Variants in PLPPR3 observed in about 807,000 individuals in gnomAD.
PLPPR3 encodes phospholipid phosphatase-related protein type 3.
In PLPPR3, 14 loss-of-function variants were observed where a neutral mutation model predicts 27.3. The observed-to-expected ratio is 0.51, with a 90% confidence interval of 0.34 to 0.80. The LOEUF (loss-of-function observed/expected upper bound fraction) is 0.80. Among genes scored for constraint, PLPPR3 ranks in the 30% least tolerant of loss-of-function variants. The pLI is 0.01. For synonymous variants in PLPPR3, 671 were observed against 508.0 expected, an observed-to-expected ratio of 1.32 and a Z score of -4.32; for missense variants, 1,287 against 1,056.9, an observed-to-expected ratio of 1.22 and a Z score of -3.02.
upstream of PLPPR3, among the ~76,000 whole-genome samples, chr19:823,441 CA>C (rs905654427): frequency 2.9e-3 from 118 of 40,068 alleles, no homozygotes; most frequent in African/African-American, 0.011. Context: ...GACTCTATCT[CA>C]AAAAAAAAAA....
chr19:819,771 G>A (rs910686565), intron 2 of PLPPR3, among the ~76,000 whole-genome samples: 3 of 152,124 alleles, frequency 2.0e-5, no homozygotes, highest in Admixed American at 6.6e-5. Flanking sequence ...CTAGGGTCCC[G>A]TCTTCCATCG....
chr19:820,821 C>G (rs1013450687), intron 2 of PLPPR3, among the ~76,000 whole-genome samples: 43 of 151,768 alleles, frequency 2.8e-4, no homozygotes, highest in African/African-American at 9.9e-4. Context: ...CAGTGCCCAG[C>G]CTAATTTTTG....
At chr19:819,425 C>T (rs1260261590) in intron 2 of PLPPR3, among the ~76,000 whole-genome samples, 1 of 151,616 alleles carries the variant, frequency 6.6e-6, no homozygotes, top group Non-Finnish European at 1.5e-5. Context: ...GGATTACAGG[C>T]GCCCACCACT....
At position 813,879 on chromosome 19, in the gene PLPPR3, C is replaced by T. The variant is rs1399690802; in HGVS notation, c.848G>A (p.Gly283Asp). 2 of 1,438,698 alleles carry T rather than the reference C, an allele frequency of 1.4e-6. No homozygotes were observed. The highest frequency in any genetic ancestry group is 9.1e-7 in the Non-Finnish European group (1 of 1,102,978). The allele number at this position is 1,438,698 out of a possible 1,614,324, so 89.1% of individuals were successfully genotyped here. ...IAAYLACHAVGNFQAPPAEKP... is the reference protein window; with the variant it reads ...IAAYLACHAVDNFQAPPAEKP... The stretch of plus-strand genomic sequence containing the variant: ...CTCTGCAGGTGGGGCCTGGAAGTTG[C>T]CCACCGCGTGGCAGGCCTGTCGGGG... Residue 283 changes from glycine (G) to aspartate (D), a missense_variant, in exon 8 of 8, where the codon GGC becomes GAC. Physicochemically the swap from Gly to Asp is moderately conservative, Grantham distance 94. Transcript: ENST00000520876. This position sits in a 1 kb window ranked among gnomAD's most constrained non-coding sequence, Gnocchi z 4.1.
At chr19:821,725 C>G (rs2145086277) in intron 1 of PLPPR3, 140 bp from the exon 2 acceptor site, 1 of 419,550 alleles carries the variant, frequency 2.4e-6, no homozygotes, top group East Asian at 3.9e-5. Context: ...CCCCGCGCCC[C>G]GGCCCAGCAC....
chr19:815,366 C>A (rs937453990), intron 3 of PLPPR3, 39 bp from the exon 4 acceptor site: 1 of 1,508,174 alleles, frequency 6.6e-7, no homozygotes, highest in Non-Finnish European at 8.8e-7. Context: ...TCGGTGCCCA[C>A]AGGGAGGGGG....
rs1224264234 is a variant in PLPPR3, at chr19:815,269, C to T, written c.320G>A (p.Gly107Glu). 3 of 1,559,020 alleles carry T rather than the reference C, an allele frequency of 1.9e-6. No individual in the cohort carries two copies. Among genetic ancestry groups the T allele is most frequent in the Non-Finnish European group, 8.7e-7 (1 of 1,154,154 alleles). The change falls in exon 4 of 8, where the codon GGG (glycine) becomes GAG (glutamate). Residue 107 changes from glycine (G) to glutamate (E), a missense_variant. Physicochemically the swap from Gly to Glu is moderately conservative, Grantham distance 98. Transcript: ENST00000520876. ...GCTGCCCTCCGCCCCGGCGGGCCCCCCGGCACGGCCCCACAGCCGGGACTG... is the reference window on the plus strand; with the variant it reads ...GCTGCCCTCCGCCCCGGCGGGCCCCTCGGCACGGCCCCACAGCCGGGACTG... The part of the protein sequence containing the change: ...CLQSRLWGRA[G>E]GPAGAEGSIN...
At chr19:815,595 C>T in intron 3 of PLPPR3, 71 bp downstream of exon 3, 1 of 1,445,970 alleles carries the variant, frequency 6.9e-7, no homozygotes, top group Non-Finnish European at 9.3e-7. Context: ...TGGATGTTCA[C>T]CGAGGTGGCG....
At chr19:820,831 G>T (rs1454154509) in intron 2 of PLPPR3, among the ~76,000 whole-genome samples, 1 of 151,298 alleles carries the variant, frequency 6.6e-6, no homozygotes. Context: ...CCTAATTTTT[G>T]TATTTTTAAT....
chr19:822,055 C>G (rs1033510600), upstream of PLPPR3: 26 of 151,690 alleles, frequency 1.7e-4, no homozygotes, highest in African/African-American at 6.3e-4. Flanking sequence ...CCAGACGCCG[C>G]AGCCAGGGGC....
Position 814,699 on chromosome 19 carries a change from T to C in PLPPR3, c.650A>G (p.Tyr217Cys), listed in dbSNP as rs758626040. The part of the protein sequence containing the change: ...HATLSAFAAV[Y>C]VSMYFNSVIS... Reference sequence around the variant, plus strand: ...GTGAGGGGCCGGACTCACCGACACATAGACCGCGGCGAAGGCTGACAGCGT... The same window carrying C: ...GTGAGGGGCCGGACTCACCGACACACAGACCGCGGCGAAGGCTGACAGCGT... Residue 217 changes from tyrosine to cysteine, a missense_variant, in exon 6 of 8, where the codon TAT (tyrosine) becomes TGT (cysteine). Transcript: ENST00000520876. 3 of 1,597,938 alleles carry C rather than the reference T, an allele frequency of 1.9e-6. No individual in the cohort carries two copies. Among genetic ancestry groups the C allele is most frequent in the African/African-American group, 1.3e-5 (1 of 74,726 alleles).
At chr19:821,444 C>G (rs1327525309) in intron 2 of PLPPR3, 41 bp downstream of exon 2, 1 of 1,492,516 alleles carries the variant, frequency 6.7e-7, no homozygotes, top group Non-Finnish European at 9.0e-7. Context: ...GCGGGCGGAA[C>G]CGAGGCGTCT....
intron 2 of PLPPR3, among the ~76,000 whole-genome samples, chr19:818,950 C>T (rs1258058297): frequency 1.7e-5 from 2 of 118,270 alleles, no homozygotes; most frequent in Non-Finnish European, 1.7e-5. Flanking sequence ...TGAGCCACTG[C>T]GCTCGGCCTT....
intron 7 of PLPPR3, 70 bp downstream of exon 7, chr19:814,364 G>T: frequency 6.9e-7 from 1 of 1,448,266 alleles, no homozygotes; most frequent in Non-Finnish European, 9.3e-7. Context: ...CAGGCCCTGT[G>T]GGCACTCATG....
rs1302069147 is a variant in PLPPR3 at position 815,065 on chromosome 19, G to A, written c.420C>T (p.Gly140=). The change falls in exon 5 of 8, where the codon GGC becomes GGT. Residue 140 remains glycine (G), a synonymous_variant. Transcript: ENST00000520876. ...TVRFVGVHVF[G]LCATALVTDV... ...CCGTCACCAGGGCTGTGGCACACAG[G>A]CCGAACACGTGGACACCTGCAGGGC... 1.1e-5 allele frequency: 18 copies of A among 1,606,434 alleles called. No homozygotes were observed. The highest frequency in any genetic ancestry group is 1.4e-5 in the Non-Finnish European group (16 of 1,179,870).
At position 812,899 on chromosome 19, in the gene PLPPR3, C is replaced by T. The variant is rs1353431606; in HGVS notation, c.1828G>A (p.Gly610Arg). 3 of 1,275,794 alleles carry T rather than the reference C, an allele frequency of 2.4e-6. No homozygotes were observed. Among genetic ancestry groups the T allele is most frequent in the South Asian group, 3.4e-5 (2 of 59,526 alleles). The allele number at this position is 1,275,794 out of a possible 1,614,324, so 79.0% of individuals were successfully genotyped here. Residue 610 changes from glycine to arginine, a missense_variant, in exon 8 of 8, where the codon GGG becomes AGG. Coordinates refer to ENST00000520876, the MANE Select transcript of PLPPR3 (RefSeq NM_001270366.2). ...CCGCCGTCGGCCTCCGCCTTGGCCCCGCCGCCCGCCGCCTTCCACTCCCAG... is the reference window on the plus strand; with the variant it reads ...CCGCCGTCGGCCTCCGCCTTGGCCCTGCCGCCCGCCGCCTTCCACTCCCAG... ...APWEWKAAGG[G>R]AKAEADGGYE...
At chr19:819,296 T>TTTTTTTTTC (rs928213781) in intron 2 of PLPPR3, among the ~76,000 whole-genome samples, 5 of 135,996 alleles carry the variant, frequency 3.7e-5, no homozygotes, top group Admixed American at 7.6e-5. Flanking sequence ...TTTTTTTTTT[T>TTTTTTTTTC]CCGAGATGGA....
At chr19:819,324 A>G (rs1188425022) in intron 2 of PLPPR3, among the ~76,000 whole-genome samples, 5 of 131,678 alleles carry the variant, frequency 3.8e-5, no homozygotes, top group Non-Finnish European at 7.7e-5. Context: ...TCTGTTGCCC[A>G]GGCTGGAGTG....
At chr19:821,616 G>A (rs1325691036) in intron 1 of PLPPR3, 31 bp from the exon 2 acceptor site, 12 of 1,353,838 alleles carry the variant, frequency 8.9e-6, no homozygotes, top group South Asian at 7.1e-5. Flanking sequence ...CTGGAGGGGG[G>A]CGCGCAGGCG....
Sources: gnomAD v4.1 joint callset for allele counts (sites outside exome capture counted in the v4.1 genomes callset) on GRCh38, gnomAD v4.1.1 for gene constraint, Gnocchi (gnomAD v3.1) non-coding constraint, MANE v1.5 for transcripts, NCBI Gene and HGNC (gene_info 2026-07-23, HGNC 2026-07-21) for gene names.